FRAS1: variants seen among roughly 807,000 people sequenced by gnomAD.
FRAS1 encodes Fraser extracellular matrix complex subunit 1.
Under a neutral mutation model 435.2 loss-of-function variants are expected in FRAS1, and 290 were observed. That is an observed-to-expected ratio of 0.67 (90% CI 0.61 to 0.73). The LOEUF is 0.73. Among genes scored for constraint, FRAS1 ranks in the 30% least tolerant of loss-of-function variants. The probability of loss-of-function intolerance (pLI) is 0.00; values close to 1 mark genes in which losing one functional copy is unlikely to be tolerated. For synonymous variants in FRAS1, 1,800 were observed against 1,851.0 expected, an observed-to-expected ratio of 0.97 and a Z score of 0.71; for missense variants, 4,860 against 5,001.5, an observed-to-expected ratio of 0.97 and a Z score of 0.85.
intron 40 of FRAS1, among the ~76,000 whole-genome samples, chr4:78,440,189 C>G (rs1337570472): frequency 1.3e-5 from 2 of 151,348 alleles, no homozygotes; most frequent in Non-Finnish European, 1.5e-5. Flanking sequence ...CGCCACCGCG[C>G]CCGGCTAATT....
At chr4:78,123,690 C>G (rs1426828635) in intron 2 of FRAS1, among the ~76,000 whole-genome samples, 1 of 152,180 alleles carries the variant, frequency 6.6e-6, no homozygotes, top group Non-Finnish European at 1.5e-5. Context: ...AGAGGTCCTT[C>G]ACATCCCTTT....
In FRAS1 at chr4:78,411,108, A is replaced by ATTTTTTT. The variant is rs369399937; in HGVS notation, c.4309-1859_4309-1853dup. 1.0e-4 allele frequency among the ~76,000 whole-genome samples: 15 copies of ATTTTTTT among 142,858 alleles called. 2 individuals are homozygous for ATTTTTTT. The highest frequency in any genetic ancestry group is 7.6e-5 in the Non-Finnish European group (5 of 65,980). 93.7% of individuals were successfully genotyped at this position (142,858 alleles called of 152,430 possible). A position where few individuals can be genotyped will look rare whatever the true frequency, so the allele number is the denominator to read the frequency against. On this transcript the variant is annotated intron_variant, in intron 31 of 73. Transcript: ENST00000512123. ...AAATGCAGTATAATGAGTTGCATGG[A>ATTTTTTT]TTTTTTTTCTTTTTTTTTCTGAGAC... is the stretch of plus-strand genomic sequence containing the variant.
Position 78,475,446 on chromosome 4 carries a change from T to C in FRAS1, c.7691T>C (p.Val2564Ala). Residue 2564 changes from valine (V) to alanine (A), a missense_variant, in exon 54 of 74, where the codon GTC (valine) becomes GCC (alanine). By Grantham distance (64) the Val-to-Ala change is moderately conservative. Coordinates refer to ENST00000512123, the MANE Select transcript of FRAS1 (RefSeq NM_025074.7). The stretch of plus-strand genomic sequence containing the variant: ...TTTTTGTGTGCTTCCAGCTACAATG[T>C]CAGTGAGAAGGCAGGGTCTGTCAGT... ...LISFKYTSYN[V>A]SEKAGSVSVT... 6.2e-7 allele frequency: 1 copy of C among 1,613,926 alleles called. No individual in the cohort carries two copies. Among genetic ancestry groups the C allele is most frequent in the Non-Finnish European group, 8.5e-7 (1 of 1,179,820 alleles).
chr4:78,270,113 A>G (rs1451425635), intron 9 of FRAS1, among the ~76,000 whole-genome samples: 1 of 152,190 alleles, frequency 6.6e-6, no homozygotes, highest in East Asian at 1.9e-4. Flanking sequence ...TCAAAAGTCA[A>G]ATACTAATTG....
Position 78,369,844 on chromosome 4 carries a change from A to G in FRAS1, c.2729A>G (p.Asn910Ser), listed in dbSNP as rs1258247378. 4 of 1,612,572 alleles carry G rather than the reference A, an allele frequency of 2.5e-6. No homozygotes were observed. Among genetic ancestry groups the G allele is most frequent in the African/African-American group, 2.7e-5 (2 of 74,856 alleles). ...LDDNHVCQPC[N>S]THCGSCDSQA... ...TCTTTTCCTGTCTGCTCAGCATGCAACACACACTGTGGAAGCTGTGATTCA... is the reference window on the plus strand; with the variant it reads ...TCTTTTCCTGTCTGCTCAGCATGCAGCACACACTGTGGAAGCTGTGATTCA... The change falls in exon 23 of 74, where the codon AAC (asparagine) becomes AGC (serine). Residue 910 changes from asparagine (N) to serine (S), a missense_variant. Transcript: ENST00000512123.
chr4:78,481,747 C>G (rs1032193312), intron 56 of FRAS1, 57 bp from the exon 57 acceptor site: 2 of 1,595,972 alleles, frequency 1.3e-6, no homozygotes, highest in East Asian at 2.2e-5. Flanking sequence ...TTCTGAAAAC[C>G]TCGCTGATTT....
chr4:78,102,187 T>C, intron 2 of FRAS1, among the ~76,000 whole-genome samples: 1 of 152,194 alleles, frequency 6.6e-6, no homozygotes, highest in East Asian at 1.9e-4. Context: ...TCTAAACTGT[T>C]GAACATGTTT....
At chr4:78,156,762 C>T (rs1165945229) in intron 2 of FRAS1, among the ~76,000 whole-genome samples, 1 of 152,134 alleles carries the variant, frequency 6.6e-6, no homozygotes, top group African/African-American at 2.4e-5. Context: ...CTTTGGGGAT[C>T]CGGAACAAGT....
At chr4:78,271,562 G>A (rs1726687540) in intron 9 of FRAS1, among the ~76,000 whole-genome samples, 1 of 152,184 alleles carries the variant, frequency 6.6e-6, no homozygotes, top group Non-Finnish European at 1.5e-5. Flanking sequence ...AGAACATGCA[G>A]TGTTTATTTT....
At position 78,482,401 on chromosome 4, in the gene FRAS1, C is replaced by G. The variant is rs187200851; in HGVS notation, c.8618C>G (p.Thr2873Ser). 52 of 1,613,836 alleles carry G rather than the reference C, an allele frequency of 3.2e-5. No homozygotes were observed. Among genetic ancestry groups the G allele is most frequent in the Non-Finnish European group, 4.2e-5 (49 of 1,179,802 alleles). Residue 2873 changes from threonine (T) to serine (S), a missense_variant, in exon 58 of 74, where the codon ACT becomes AGT. By Grantham distance (58) the Thr-to-Ser change is moderately conservative. Transcript: ENST00000512123. The stretch of plus-strand genomic sequence containing the variant: ...TTTCTCTTCTAGTATTGCACCTTGA[C>G]TATCTTGGATGACACTCAGTATCCG... ...PGVIEQYCTL[T>S]ILDDTQYPVI...
rs1389262524 is a variant in FRAS1, at chr4:78,438,564, CATT to C, written c.5218-4_5218-2del. ...TTCATGTCCTGCCTCATGTTTGCCT[CATT>C]AGGATGATTCTTCCCCCGACCCAGA... is the stretch of plus-strand genomic sequence containing the variant. On this transcript the variant is annotated splice_region_variant and splice_polypyrimidine_tract_variant and intron_variant, in intron 38 of 73. Coordinates refer to ENST00000512123, the MANE Select transcript of FRAS1 (RefSeq NM_025074.7). 1 of 1,613,624 alleles carries C rather than the reference CATT, an allele frequency of 6.2e-7. No individual in the cohort carries two copies. Among genetic ancestry groups the C allele is most frequent in the Non-Finnish European group, 8.5e-7 (1 of 1,179,772 alleles).
At chr4:78,513,276 AG>A in intron 64 of FRAS1, 115 bp from the exon 65 acceptor site, 3 of 1,007,738 alleles carry the variant, frequency 3.0e-6, no homozygotes, top group Non-Finnish European at 4.5e-6. Context: ...AGCTTCAGGA[AG>A]AAAAAAAAAT....
chr4:78,384,986 T>C (rs1411242736), intron 28 of FRAS1, among the ~76,000 whole-genome samples: 1 of 151,944 alleles, frequency 6.6e-6, no homozygotes, highest in Non-Finnish European at 1.5e-5. Context: ...GTATGTGGAA[T>C]TTGCAGCAGT....
At chr4:78,308,935 C>A (rs1728904246) in intron 15 of FRAS1, among the ~76,000 whole-genome samples, 1 of 152,186 alleles carries the variant, frequency 6.6e-6, no homozygotes, top group South Asian at 2.1e-4. Flanking sequence ...GTCATGTGTT[C>A]CCTTGAATGG....
chr4:78,096,337 T>C (rs6822247), intron 2 of FRAS1, among the ~76,000 whole-genome samples: 42,599 of 152,048 alleles, frequency 0.28, 6,312 homozygotes, highest in African/African-American at 0.35. Context: ...TTCAGGCAAA[T>C]GGTGCAAGCT....
rs1330434625 is a variant in FRAS1, at chr4:78,266,876, T to C, written c.730T>C (p.Cys244Arg). 3 of 1,608,498 alleles carry C rather than the reference T, an allele frequency of 1.9e-6. No homozygotes were observed. The highest frequency in any genetic ancestry group is 1.7e-5 in the Admixed American group (1 of 59,336). ...WSENACTTCI[C>R]DRGEVRCHKQ... ...CGAAAATGCCTGCACCACGTGTATA[T>C]GTGACCGGGGTGAGGTCAGGTGTCA... is the stretch of plus-strand genomic sequence containing the variant. Residue 244 changes from cysteine (C) to arginine (R), a missense_variant, in exon 8 of 74, where the codon TGT (cysteine) becomes CGT (arginine). Transcript: ENST00000512123.
At chr4:78,065,512 C>T (rs963422977) in intron 1 of FRAS1, among the ~76,000 whole-genome samples, 1 of 151,946 alleles carries the variant, frequency 6.6e-6, no homozygotes, top group African/African-American at 2.4e-5. Flanking sequence ...AAGAGCTTGA[C>T]TAGACAAAGT....
At chr4:78,285,924 C>T (rs1416035504) in intron 13 of FRAS1, among the ~76,000 whole-genome samples, 1 of 152,150 alleles carries the variant, frequency 6.6e-6, no homozygotes, top group Admixed American at 6.5e-5. Flanking sequence ...TTTCCTAATT[C>T]ATATAATCTT....
At chr4:78,241,656 G>C (rs1221999517) in intron 3 of FRAS1, among the ~76,000 whole-genome samples, 4 of 152,078 alleles carry the variant, frequency 2.6e-5, no homozygotes, top group African/African-American at 9.7e-5. Flanking sequence ...GCCAGCTGGG[G>C]GTTGAAAGAC....
Sources: allele counts gnomAD v4.1 joint callset (sites outside exome capture counted in the v4.1 genomes callset), GRCh38; gene constraint gnomAD v4.1.1; transcripts MANE v1.5; gene names NCBI Gene and HGNC (gene_info 2026-07-23, HGNC 2026-07-21).